Variants in IL6R observed in about 807,000 individuals in gnomAD.
IL6R encodes the protein interleukin 6 receptor.
A neutral mutation model predicts 48.3 loss-of-function variants in IL6R; 38 were observed. The ratio of observed to expected loss-of-function variants is 0.79; its 90% confidence interval spans 0.61 to 1.03. The LOEUF is 1.03. IL6R is among the 50% of genes least tolerant of loss of function. The probability of loss-of-function intolerance (pLI) is 0.00; values close to 1 mark genes in which losing one functional copy is unlikely to be tolerated. For synonymous variants in IL6R, 264 were observed against 256.2 expected (o/e 1.03, Z -0.29); for missense variants, 534 against 618.3 (o/e 0.86, Z 1.45).
intron 1 of IL6R, among the ~76,000 whole-genome samples, chr1:154,413,639 T>A (rs1008533301): frequency 1.3e-5 from 2 of 152,252 alleles, no homozygotes; most frequent in African/African-American, 4.8e-5. Context: ...ATGGGTTTTT[T>A]AATGTATAAC....
At chr1:154,458,764 G>T (rs1691067241) in intron 9 of IL6R, among the ~76,000 whole-genome samples, 1 of 152,084 alleles carries the variant, frequency 6.6e-6, no homozygotes, top group Non-Finnish European at 1.5e-5. Flanking sequence ...AGCTGGGCAT[G>T]GTGGTGCACA....
chr1:154,456,523 A>G (rs1195537298), intron 9 of IL6R, among the ~76,000 whole-genome samples: 7 of 152,026 alleles, frequency 4.6e-5, no homozygotes, highest in African/African-American at 1.7e-4. Flanking sequence ...TATATTTTAG[A>G]GGTAGAATTG....
chr1:154,453,788 C>T (rs4129267), intron 8 of IL6R, among the ~76,000 whole-genome samples: 48,685 of 151,840 alleles, frequency 0.32, 9,014 homozygotes, highest in Admixed American at 0.49. Flanking sequence ...GGTCAATTCT[C>T]AAAGGAAATG....
At chr1:154,444,965 A>G in intron 6 of IL6R, 1 of 426,424 alleles carries the variant, frequency 2.3e-6, no homozygotes, top group Non-Finnish European at 4.7e-6. Context: ...GAAGGGTGAA[A>G]CCTCAAAATG....
chr1:154,430,641 C>G, intron 3 of IL6R, 35 bp downstream of exon 3: 1 of 1,613,648 alleles, frequency 6.2e-7, no homozygotes, highest in Non-Finnish European at 8.5e-7. Flanking sequence ...TGCATGTTGG[C>G]TCCCTCCTTC....
chr1:154,412,749 A>T (rs1688100435), intron 1 of IL6R, among the ~76,000 whole-genome samples: 1 of 152,140 alleles, frequency 6.6e-6, no homozygotes, highest in South Asian at 2.1e-4. Flanking sequence ...TCCTGACAAC[A>T]TTTGAAGTAC....
At chr1:154,447,556 C>CACATACAT (rs1558323816) in intron 6 of IL6R, among the ~76,000 whole-genome samples, 6 of 135,682 alleles carry the variant, frequency 4.4e-5, no homozygotes, top group African/African-American at 1.7e-4. Context: ...TACACATACA[C>CACATACAT]ATATATATAT....
At chr1:154,422,537 A>G (rs1688730204) in intron 1 of IL6R, among the ~76,000 whole-genome samples, 1 of 152,194 alleles carries the variant, frequency 6.6e-6, no homozygotes, top group African/African-American at 2.4e-5. Context: ...TAGCTTCAAT[A>G]TGGAGTTTTT....
chr1:154,435,613 T>C (rs1689577061), intron 5 of IL6R, among the ~76,000 whole-genome samples: 1 of 152,224 alleles, frequency 6.6e-6, no homozygotes, highest in East Asian at 1.9e-4. Flanking sequence ...TTTTAAGCTT[T>C]CTGAGCCTTG....
chr1:154,419,423 A>C (rs563831315), intron 1 of IL6R, among the ~76,000 whole-genome samples: 1 of 152,320 alleles, frequency 6.6e-6, no homozygotes, highest in Admixed American at 6.5e-5. Context: ...CAAGGTGTCC[A>C]CAGGCTTCTC....
rs555670459 is a variant in IL6R at position 154,460,420 on chromosome 1, A to C, written c.1161-4714A>C. Among the ~76,000 whole-genome samples, 4 of 81,982 alleles carry C rather than the reference A, an allele frequency of 4.9e-5. No individual in the cohort carries two copies. The East Asian group carries it at 2.3e-3, about 47-fold the overall frequency. 53.8% of individuals were successfully genotyped at this position (81,982 alleles called of 152,430 possible). On this transcript the variant is annotated intron_variant, in intron 9 of 9. Coordinates refer to ENST00000368485, the MANE Select transcript of IL6R (RefSeq NM_000565.4). The stretch of plus-strand genomic sequence containing the variant: ...GCTCACCTTTCTTTGTTACCCATTC[A>C]GTTACTTTGAAAAAAAAACTGAGGA...
chr1:154,422,749 C>T (rs1261910503), intron 1 of IL6R, among the ~76,000 whole-genome samples: 2 of 152,216 alleles, frequency 1.3e-5, no homozygotes, highest in African/African-American at 2.4e-5. Context: ...CCGCGTGCCC[C>T]GTCTCCTAGG....
At chr1:154,438,386 A>C (rs991144693) in intron 6 of IL6R, among the ~76,000 whole-genome samples, 1 of 152,016 alleles carries the variant, frequency 6.6e-6, no homozygotes, top group African/African-American at 2.4e-5. Context: ...CCCTTGCAGC[A>C]ATCTGTTTTA....
At chr1:154,409,814 G>A (rs942188437) in intron 1 of IL6R, among the ~76,000 whole-genome samples, 1 of 152,154 alleles carries the variant, frequency 6.6e-6, no homozygotes, top group African/African-American at 2.4e-5. Context: ...GTATGCTAGC[G>A]ACTAGTGCTA....
Position 154,448,163 on chromosome 1 carries a change from C to A in IL6R, c.988C>A (p.Pro330Thr), listed in dbSNP as rs778803578. 6.2e-7 allele frequency: 1 copy of A among 1,613,474 alleles called. No individual in the cohort carries two copies. Among genetic ancestry groups the A allele is most frequent in the Admixed American group, 1.7e-5 (1 of 60,016 alleles). Residue 330 changes from proline to threonine, a missense_variant, in exon 7 of 10, where the codon CCC (proline) becomes ACC (threonine). By Grantham distance (38) the Pro-to-Thr change is conservative (BLOSUM62 -1). Coordinates refer to ENST00000368485, the MANE Select transcript of IL6R (RefSeq NM_000565.4). Reference sequence around the variant, plus strand: ...TCCAGCTGAGAACGAGGTGTCCACCCCCATGCAGGTGAGCTCCTGTTCTTG... The same window carrying A: ...TCCAGCTGAGAACGAGGTGTCCACCACCATGCAGGTGAGCTCCTGTTCTTG... ...SPPAENEVST[P>T]MQALTTNKDD...
chr1:154,441,022 T>G (rs1689901809), intron 6 of IL6R, among the ~76,000 whole-genome samples: 2 of 152,208 alleles, frequency 1.3e-5, no homozygotes, highest in Admixed American at 6.5e-5. Flanking sequence ...AATAGAAAGT[T>G]CTTTCTTATG....
At chr1:154,430,944 G>A (rs760866697) in intron 3 of IL6R, among the ~76,000 whole-genome samples, 1 of 152,158 alleles carries the variant, frequency 6.6e-6, no homozygotes, top group African/African-American at 2.4e-5. Context: ...TGGCTCTGCT[G>A]GGAATTCAAT....
intron 6 of IL6R, among the ~76,000 whole-genome samples, chr1:154,438,603 C>A (rs1208612444): frequency 6.6e-6 from 1 of 152,176 alleles, no homozygotes; most frequent in East Asian, 1.9e-4. Flanking sequence ...CCGACCCCTG[C>A]CACTTTCTCC....
rs528464156 is a variant in IL6R, at chr1:154,405,680, A to G, written c.51A>G (p.Gly17=). 5,866 of 1,528,286 alleles carry G rather than the reference A, an allele frequency of 3.8e-3. 23 individuals are homozygous for G. Among genetic ancestry groups the G allele is most frequent in the Non-Finnish European group, 4.1e-3 (4,690 of 1,144,598 alleles). The allele number at this position is 1,528,286 out of a possible 1,614,324, so 94.7% of individuals were successfully genotyped here. ...TGGCTGCCCTGCTGGCCGCGCCGGG[A>G]GCGGCGCTGGCCCCAAGGCGCTGCC... ...ALLAALLAAP[G]AALAPRRCPA... The change falls in exon 1 of 10, where the codon GGA becomes GGG. Residue 17 remains glycine, a synonymous_variant. Coordinates refer to ENST00000368485, the MANE Select transcript of IL6R (RefSeq NM_000565.4). This position sits in a 1 kb window ranked among gnomAD's most constrained non-coding sequence, Gnocchi z 5.2.
Sources: allele counts gnomAD v4.1 joint callset (sites outside exome capture counted in the v4.1 genomes callset), GRCh38; gene constraint gnomAD v4.1.1; non-coding constraint Gnocchi (gnomAD v3.1); transcripts MANE v1.5; gene names NCBI Gene and HGNC (gene_info 2026-07-23, HGNC 2026-07-21).